TACR1: variants seen among roughly 807,000 people sequenced by gnomAD.
TACR1 encodes the protein tachykinin receptor 1.
In TACR1, 25 loss-of-function variants were observed where a neutral mutation model predicts 35.8. That is an observed-to-expected ratio of 0.70 (90% CI 0.51 to 0.98). The LOEUF (loss-of-function observed/expected upper bound fraction) is 0.98, where lower values mean the gene tolerates loss of function less well. TACR1 is among the 50% of genes least tolerant of loss of function. The probability of loss-of-function intolerance (pLI) is 0.00; values close to 1 mark genes in which losing one functional copy is unlikely to be tolerated. For missense variants in TACR1, 478 were observed against 522.9 expected (o/e 0.91, Z 0.84); for synonymous variants, 195 against 206.7 (o/e 0.94, Z 0.48).
Position 75,049,239 on chromosome 2 carries a change from G to T in TACR1, c.*193C>A. 1.6e-6 allele frequency: 1 copy of T among 629,602 alleles called. No homozygotes were observed. The highest frequency in any genetic ancestry group is 2.1e-5 in the South Asian group (1 of 47,300). The allele number at this position is 629,602 out of a possible 1,614,324, so 39.0% of individuals were successfully genotyped here. A position where few individuals can be genotyped will look rare whatever the true frequency, so the allele number is the denominator to read the frequency against. Reference sequence around the variant, plus strand: ...TGATTTGGTTTGAGTCACACAGCATGAGGGTGGCAAAGATAGGGAAGAATT... The same window carrying T: ...TGATTTGGTTTGAGTCACACAGCATTAGGGTGGCAAAGATAGGGAAGAATT... On this transcript the variant is annotated 3_prime_UTR_variant, in exon 5 of 5. Transcript: ENST00000305249.
intron 1 of TACR1, among the ~76,000 whole-genome samples, chr2:75,170,981 C>T (rs1443105766): frequency 1.6e-4 from 24 of 151,984 alleles, no homozygotes; most frequent in Non-Finnish European, 1.5e-5. Context: ...CCTGATGATG[C>T]GATATGAGGA....
Position 75,053,605 on chromosome 2 carries a change from C to T in TACR1, c.735G>A (p.Lys245=). 1 of 1,538,652 alleles carries T rather than the reference C, an allele frequency of 6.5e-7. No individual in the cohort carries two copies. The highest frequency in any genetic ancestry group is 2.0e-5 in the Admixed American group (1 of 49,964). Residue 245 remains lysine (K), a splice_region_variant and synonymous_variant, in exon 3 of 5, where the codon AAG becomes AAA. Coordinates refer to ENST00000305249, the MANE Select transcript of TACR1 (RefSeq NM_001058.4). ...TTAGTTCTGCCTGTCCCCTGCTCAC[C>T]TTGCGCTTGGCAGAGACTTGCTCGT... ...RYHEQVSAKR[K]VVKMMIVVVC... is the part of the protein sequence containing the mutation.
chr2:75,121,476 T>C (rs1673970675), intron 1 of TACR1, among the ~76,000 whole-genome samples: 1 of 152,218 alleles, frequency 6.6e-6, no homozygotes, highest in Non-Finnish European at 1.5e-5. Flanking sequence ...CAGCAAATGA[T>C]GACTTCATGT....
At chr2:75,127,238 A>T (rs1674091282) in intron 1 of TACR1, among the ~76,000 whole-genome samples, 2 of 152,160 alleles carry the variant, frequency 1.3e-5, no homozygotes, top group Non-Finnish European at 2.9e-5. Flanking sequence ...CAGGGATGTT[A>T]TTTAAGCATA....
Position 75,095,503 on chromosome 2 carries a change from C to T in TACR1, c.584+25071G>A, listed in dbSNP as rs573087783. 1.5e-4 allele frequency among the ~76,000 whole-genome samples: 23 copies of T among 152,084 alleles called. No homozygotes were observed. In the South Asian group the frequency reaches 4.2e-3, roughly 27 times the overall value. On this transcript the variant is annotated intron_variant, in intron 2 of 4. Transcript: ENST00000305249. Reference sequence around the variant, plus strand: ...GGATCAGCATGGAGGGAGGGCGTTTCGAGAGGGAAGAAAGCAGGGGCTGAG... The same window carrying T: ...GGATCAGCATGGAGGGAGGGCGTTTTGAGAGGGAAGAAAGCAGGGGCTGAG...
At chr2:75,178,187 C>CT (rs529344741) in intron 1 of TACR1, among the ~76,000 whole-genome samples, 1,458 of 145,582 alleles carry the variant, frequency 0.01, 7 homozygotes, top group Middle Eastern at 0.046. Flanking sequence ...CAATTTCTCT[C>CT]TTTTTTTTTT....
chr2:75,120,658 T>C lies in TACR1; in HGVS notation c.500A>G (p.Tyr167Cys). 1 of 1,614,036 alleles carries C rather than the reference T, an allele frequency of 6.2e-7. No homozygotes were observed. Among genetic ancestry groups the C allele is most frequent in the African/African-American group, 1.3e-5 (1 of 74,988 alleles). The change falls in exon 2 of 5, where the codon TAC (tyrosine) becomes TGC (cysteine). Residue 167 changes from tyrosine (Y) to cysteine (C), a missense_variant. Tyr to Cys is a radical substitution (Grantham distance 194). Transcript: ENST00000305249. The stretch of plus-strand genomic sequence containing the variant: ...GGGCATGGTCTCTGTGGTTGAGTAG[T>C]AGCCCTGGGGGAAGGCCAGCAGGAG... ...LALLLAFPQG[Y>C]YSTTETMPSR...
At chr2:75,174,571 T>G (rs957967972) in intron 1 of TACR1, among the ~76,000 whole-genome samples, 1 of 152,196 alleles carries the variant, frequency 6.6e-6, no homozygotes, top group Non-Finnish European at 1.5e-5. Flanking sequence ...CATTTAATAT[T>G]TTCAAACCCT....
At chr2:75,164,507 C>G (rs1675092978) in intron 1 of TACR1, among the ~76,000 whole-genome samples, 1 of 151,888 alleles carries the variant, frequency 6.6e-6, no homozygotes, top group South Asian at 2.1e-4. Flanking sequence ...TGGCAAAATA[C>G]AAATGACCCA....
chr2:75,077,027 A>G (rs1234570422), intron 2 of TACR1, among the ~76,000 whole-genome samples: 3 of 152,056 alleles, frequency 2.0e-5, no homozygotes, highest in Admixed American at 6.5e-5. Flanking sequence ...CTGGAGTGCA[A>G]TGGCTCGATC....
chr2:75,105,340 T>G (rs971509596), intron 2 of TACR1, among the ~76,000 whole-genome samples: 5 of 151,658 alleles, frequency 3.3e-5, no homozygotes, highest in Non-Finnish European at 7.4e-5. Context: ...GTTGAACTCA[T>G]AAAAACAGGG....
At chr2:75,084,144 T>A (rs1673145341) in intron 2 of TACR1, among the ~76,000 whole-genome samples, 1 of 152,232 alleles carries the variant, frequency 6.6e-6, no homozygotes, top group African/African-American at 2.4e-5. Context: ...GAAGGGCTGT[T>A]GAATTTTGTT....
intron 2 of TACR1, among the ~76,000 whole-genome samples, chr2:75,108,396 A>G (rs1423532808): frequency 6.6e-6 from 1 of 152,176 alleles, no homozygotes; most frequent in South Asian, 2.1e-4. Context: ...TACTTTTCTC[A>G]ACAGATGCTG....
intron 1 of TACR1, among the ~76,000 whole-genome samples, chr2:75,130,510 A>C (rs1674157359): frequency 6.6e-6 from 1 of 152,254 alleles, no homozygotes; most frequent in Non-Finnish European, 1.5e-5. Flanking sequence ...TTTCTTGTAT[A>C]GTGTAAATCC....
intron 1 of TACR1, among the ~76,000 whole-genome samples, chr2:75,136,373 A>C (rs1041132136): frequency 6.6e-6 from 1 of 152,206 alleles, no homozygotes; most frequent in East Asian, 1.9e-4. Context: ...ACAAAAACTC[A>C]TCTGCCAAGC....
intron 1 of TACR1, among the ~76,000 whole-genome samples, chr2:75,143,258 A>G (rs1201477297): frequency 6.6e-6 from 1 of 152,148 alleles, no homozygotes; most frequent in Non-Finnish European, 1.5e-5. Context: ...ACAAGTTTGA[A>G]TTTTACTTTT....
chr2:75,160,553 G>A (rs1674982298), intron 1 of TACR1, among the ~76,000 whole-genome samples: 2 of 151,876 alleles, frequency 1.3e-5, no homozygotes, highest in Admixed American at 1.3e-4. Flanking sequence ...TGATTGAGAT[G>A]AGAAACAATT....
Position 75,049,385 on chromosome 2 carries a change from G to A in TACR1, c.*47C>T, listed in dbSNP as rs1419101069. On this transcript the variant is annotated 3_prime_UTR_variant, in exon 5 of 5. Coordinates refer to ENST00000305249, the MANE Select transcript of TACR1 (RefSeq NM_001058.4). ...AAGGGAATTTCCATGCATGAAGGGA[G>A]GCAGGTCAAAGGCAGTGGGGGCTGC... 1 of 1,567,396 alleles carries A rather than the reference G, an allele frequency of 6.4e-7. No homozygotes were observed. Among genetic ancestry groups the A allele is most frequent in the Non-Finnish European group, 8.7e-7 (1 of 1,151,952 alleles).
At chr2:75,191,024 T>C (rs146754799) in intron 1 of TACR1, among the ~76,000 whole-genome samples, 1 of 152,216 alleles carries the variant, frequency 6.6e-6, no homozygotes, top group African/African-American at 2.4e-5. Flanking sequence ...TTAAAACTCA[T>C]GCTGATTCGT....
Sources: gnomAD v4.1 joint callset for allele counts (sites outside exome capture counted in the v4.1 genomes callset) on GRCh38, gnomAD v4.1.1 for gene constraint, MANE v1.5 for transcripts, NCBI Gene and HGNC (gene_info 2026-07-23, HGNC 2026-07-21) for gene names.